CNKSR2: variants seen among roughly 807,000 people sequenced by gnomAD.
CNKSR2 encodes the protein CNK homolog protein 2.
A neutral mutation model predicts 84.4 loss-of-function variants in CNKSR2; 14 were observed. The ratio of observed to expected loss-of-function variants is 0.17; its 90% CI spans 0.11 to 0.26. The LOEUF is 0.26. Among genes scored for constraint, CNKSR2 ranks in the 10% least tolerant of loss-of-function variants. The pLI, the probability that CNKSR2 is intolerant of heterozygous loss-of-function variation, is 1.00. For synonymous variants in CNKSR2, 275 were observed against 277.9 expected (o/e 0.99, Z 0.10); for missense variants, 485 against 771.2 (o/e 0.63, Z 4.40).
chrX:21,459,108 C>T (rs188190833), intron 4 of CNKSR2, among the ~76,000 whole-genome samples: 372 of 105,745 alleles, frequency 3.5e-3, no homozygotes, highest in Non-Finnish European at 5.9e-3. Context: ...CTGCAATGCC[C>T]GCCTCCTGGG....
intron 1 of CNKSR2, among the ~76,000 whole-genome samples, chrX:21,382,622 G>A (rs1483864661): frequency 9.0e-6 from 1 of 111,262 alleles, no homozygotes; most frequent in Admixed American, 9.5e-5. Flanking sequence ...GCATTATTCT[G>A]TTGTGAGGAT....
intron 4 of CNKSR2, among the ~76,000 whole-genome samples, chrX:21,465,214 T>C (rs1305250580): frequency 8.9e-6 from 1 of 111,912 alleles, no homozygotes; most frequent in African/African-American, 3.2e-5. Flanking sequence ...TCTATTTGTA[T>C]TTGAATGTTT....
chrX:21,408,533 T>G (rs1338115690), intron 1 of CNKSR2, among the ~76,000 whole-genome samples: 1 of 111,709 alleles, frequency 9.0e-6, no homozygotes, highest in Non-Finnish European at 1.9e-5. Context: ...TCTTGGATAG[T>G]GCTTTACATA....
chrX:21,516,156 A>G (rs2091726204), intron 8 of CNKSR2, among the ~76,000 whole-genome samples: 1 of 111,454 alleles, frequency 9.0e-6, no homozygotes, highest in African/African-American at 3.3e-5. Context: ...TTGTGAACAG[A>G]GCTTGGATCT....
At chrX:21,390,556 C>A (rs183064706) in intron 1 of CNKSR2, among the ~76,000 whole-genome samples, 3 of 111,260 alleles carry the variant, frequency 2.7e-5, no homozygotes, top group Non-Finnish European at 5.7e-5. Context: ...CTCACTATCA[C>A]GAGAACAGCA....
At chrX:21,454,412 C>T (rs1016877843) in intron 4 of CNKSR2, among the ~76,000 whole-genome samples, 1 of 112,203 alleles carries the variant, frequency 8.9e-6, no homozygotes, top group Non-Finnish European at 1.9e-5. Flanking sequence ...CATCATGGTG[C>T]TTATTAAATA....
At chrX:21,628,726 C>T (rs111865409) in intron 20 of CNKSR2, among the ~76,000 whole-genome samples, 8,890 of 110,951 alleles carry the variant, frequency 0.08, 378 homozygotes, top group Non-Finnish European at 0.12. Context: ...CAGAGAGACC[C>T]TGGGCCCAGC....
intron 11 of CNKSR2, among the ~76,000 whole-genome samples, chrX:21,549,092 A>C (rs754210604): frequency 2.7e-5 from 3 of 112,502 alleles, no homozygotes; most frequent in Non-Finnish European, 5.6e-5. Context: ...CAAGAGAAAG[A>C]AATAATGGGT....
At chrX:21,450,453 T>C (rs2090913304) in intron 4 of CNKSR2, among the ~76,000 whole-genome samples, 2 of 111,505 alleles carry the variant, frequency 1.8e-5, no homozygotes, top group Admixed American at 9.6e-5. Flanking sequence ...AAAGAAATGA[T>C]TCCATTTTTT....
chrX:21,648,016 A>T (rs910193027), intron 20 of CNKSR2, among the ~76,000 whole-genome samples: 1 of 111,651 alleles, frequency 9.0e-6, no homozygotes, highest in Non-Finnish European at 1.9e-5. Context: ...TTGTTCAGCT[A>T]TGTCTAAGAC....
intron 8 of CNKSR2, among the ~76,000 whole-genome samples, chrX:21,509,967 T>C (rs1255276528): frequency 9.0e-6 from 1 of 111,651 alleles, no homozygotes; most frequent in East Asian, 2.8e-4. Context: ...AAACAGAACA[T>C]TATAATAAAT....
At chrX:21,550,452 C>CGTGT (rs2092076145) in intron 11 of CNKSR2, among the ~76,000 whole-genome samples, 1 of 112,279 alleles carries the variant, frequency 8.9e-6, no homozygotes, top group Non-Finnish European at 1.9e-5. Context: ...AATAGGAACA[C>CGTGT]TTTGACACTG....
intron 4 of CNKSR2, among the ~76,000 whole-genome samples, chrX:21,465,268 G>T (rs1224488530): frequency 1.8e-5 from 2 of 111,235 alleles, no homozygotes; most frequent in Non-Finnish European, 3.8e-5. Flanking sequence ...AAATACCAAG[G>T]GTAATTTATC....
intron 21 of CNKSR2, among the ~76,000 whole-genome samples, chrX:21,649,668 T>A (rs1156901544): frequency 2.7e-5 from 3 of 110,950 alleles, no homozygotes; most frequent in Non-Finnish European, 3.8e-5. Context: ...AGGCAGAAAG[T>A]TGGAAAAGGA....
At position 21,432,701 on chromosome X, in the gene CNKSR2, GAGA is replaced by G. The variant is rs2090651188; in HGVS notation, c.321_323del (p.Arg108del). 3 of 1,204,111 alleles carry G rather than the reference GAGA, an allele frequency of 2.5e-6. No individual in the cohort carries two copies. Among genetic ancestry groups the G allele is most frequent in the Non-Finnish European group, 3.4e-6 (3 of 891,157 alleles). On this transcript the variant is annotated inframe_deletion, in exon 3 of 22. Transcript: ENST00000379510. Reference sequence around the variant, plus strand: ...ATCTGCAGAATTTTATAACAGGAAGGAGAAGGAGTGGCCATTATGATGGGAGGA... The same window carrying G: ...ATCTGCAGAATTTTATAACAGGAAGGAGGAGTGGCCATTATGATGGGAGGA...
At chrX:21,642,234 C>T (rs1172804377) in intron 20 of CNKSR2, 7 of 749,971 alleles carry the variant, frequency 9.3e-6, no homozygotes, top group African/African-American at 4.6e-5. Context: ...AGACTGCTTT[C>T]GGTGACATTA....
chrX:21,560,355 C>A (rs949952250), intron 11 of CNKSR2, among the ~76,000 whole-genome samples: 1 of 110,454 alleles, frequency 9.1e-6, no homozygotes, highest in South Asian at 3.9e-4. Context: ...GGTTTGAATC[C>A]TGATACTATG....
chrX:21,605,181 C>G (rs920767386), intron 18 of CNKSR2, among the ~76,000 whole-genome samples: 1 of 111,495 alleles, frequency 9.0e-6, no homozygotes, highest in African/African-American at 3.3e-5. Flanking sequence ...AGCTAAGATT[C>G]GAACCTACAC....
At chrX:21,547,809 A>C (rs913671529) in intron 11 of CNKSR2, among the ~76,000 whole-genome samples, 3 of 112,304 alleles carry the variant, frequency 2.7e-5, no homozygotes, top group Non-Finnish European at 5.6e-5. Context: ...GAAACTGAAC[A>C]ACCTGCTCCT....
Sources: allele counts gnomAD v4.1 joint callset (sites outside exome capture counted in the v4.1 genomes callset), GRCh38; gene constraint gnomAD v4.1.1; transcripts MANE v1.5; gene names NCBI Gene and HGNC (gene_info 2026-07-23, HGNC 2026-07-21).